Variants in NRXN3 observed in about 807,000 individuals in gnomAD.
NRXN3 encodes neurexin III.
Under a neutral mutation model 137.6 loss-of-function variants are expected in NRXN3, and 32 were observed. The observed-to-expected ratio is 0.23, with a 90% CI of 0.18 to 0.31. The LOEUF (loss-of-function observed/expected upper bound fraction) is 0.31, where lower values mean the gene tolerates loss of function less well. NRXN3 is among the 10% of genes least tolerant of loss of function. NRXN3 has a pLI of 1.00. For synonymous variants in NRXN3, 798 were observed against 784.5 expected, an observed-to-expected ratio of 1.02 and a Z score of -0.29; for missense variants, 1,574 against 2,062.5, an observed-to-expected ratio of 0.76 and a Z score of 4.59.
intron 20 of NRXN3, among the ~76,000 whole-genome samples, chr14:79,859,972 C>T (rs1270401767): frequency 6.6e-6 from 1 of 152,146 alleles, no homozygotes; most frequent in Non-Finnish European, 1.5e-5. Flanking sequence ...TATAAAGACA[C>T]TGAAGAGAGA....
chr14:79,859,424 TTGGATGCA>T (rs1303256121), intron 20 of NRXN3, among the ~76,000 whole-genome samples: 1 of 152,200 alleles, frequency 6.6e-6, no homozygotes, highest in Non-Finnish European at 1.5e-5. Flanking sequence ...CCTGGACAAT[TTGGATGCA>T]TGGGAAAGGT....
At chr14:79,095,765 G>T (rs1040386418) in intron 15 of NRXN3, among the ~76,000 whole-genome samples, 2 of 152,052 alleles carry the variant, frequency 1.3e-5, no homozygotes, top group African/African-American at 4.8e-5. Context: ...AGGTTACTTT[G>T]CCTTCTGGAT....
At chr14:78,656,903 TG>T (rs1555422806) in intron 6 of NRXN3, among the ~76,000 whole-genome samples, 2 of 151,520 alleles carry the variant, frequency 1.3e-5, no homozygotes, top group Non-Finnish European at 2.9e-5. Flanking sequence ...CAAAATTAGC[TG>T]GGCGTGGTGG....
chr14:79,834,868 A>T (rs1231303726), intron 20 of NRXN3, among the ~76,000 whole-genome samples: 1 of 152,084 alleles, frequency 6.6e-6, no homozygotes, highest in Non-Finnish European at 1.5e-5. Flanking sequence ...CAAAAGCAAG[A>T]GTGTTCTTTT....
intron 15 of NRXN3, among the ~76,000 whole-genome samples, chr14:79,095,633 T>C (rs2050172313): frequency 6.8e-6 from 1 of 147,740 alleles, no homozygotes; most frequent in Non-Finnish European, 1.5e-5. Context: ...TGGGAAGAAG[T>C]ACTACCTATA....
intron 4 of NRXN3, among the ~76,000 whole-genome samples, chr14:78,387,120 C>T (rs1193579110): frequency 6.6e-6 from 1 of 151,922 alleles, no homozygotes; most frequent in Non-Finnish European, 1.5e-5. Context: ...GCAATGCTCA[C>T]CCCCAGCTCA....
intron 16 of NRXN3, among the ~76,000 whole-genome samples, chr14:79,563,094 A>G: frequency 6.6e-6 from 1 of 152,328 alleles, no homozygotes; most frequent in South Asian, 2.1e-4. Flanking sequence ...TCTCTGAAAA[A>G]GCCAACGCAT....
Position 79,863,519 on chromosome 14 carries a change from A to T in NRXN3, c.*1555A>T, listed in dbSNP as rs1424506509. On this transcript the variant is annotated 3_prime_UTR_variant, in exon 21 of 21. Coordinates refer to ENST00000335750, the MANE Select transcript of NRXN3 (RefSeq NM_001330195.2). The stretch of plus-strand genomic sequence containing the variant: ...CAGTTAACTGTGTCAAAGAGAATTA[A>T]AAAAAAAAACTTCAGATTTTGTTTA... 4.0e-5 allele frequency: 4 copies of T among 100,062 alleles called. No individual in the cohort carries two copies. The highest frequency in any genetic ancestry group is 3.0e-4 in the African/African-American group (4 of 13,210). The allele number at this position is 100,062 out of a possible 1,614,324, so 6.2% of individuals were successfully genotyped here. A position where few individuals can be genotyped will look rare whatever the true frequency, so the allele number is the denominator to read the frequency against.
At chr14:78,425,002 G>C (rs925226509) in intron 4 of NRXN3, among the ~76,000 whole-genome samples, 1 of 151,966 alleles carries the variant, frequency 6.6e-6, no homozygotes, top group East Asian at 1.9e-4. Flanking sequence ...ACAGTGGCTT[G>C]TCTGATTTTC....
intron 10 of NRXN3, among the ~76,000 whole-genome samples, chr14:78,909,940 A>G (rs555256769): frequency 6.6e-6 from 1 of 152,198 alleles, no homozygotes; most frequent in African/African-American, 2.4e-5. Flanking sequence ...CCAATCATTT[A>G]TTCATATAAA....
intron 4 of NRXN3, among the ~76,000 whole-genome samples, chr14:78,329,952 T>C (rs905966940): frequency 3.3e-5 from 5 of 152,188 alleles, no homozygotes; most frequent in African/African-American, 1.2e-4. Context: ...CAATTACACA[T>C]ACAATGGTTA....
chr14:78,455,308 C>T (rs960358919), intron 4 of NRXN3, among the ~76,000 whole-genome samples: 3 of 152,176 alleles, frequency 2.0e-5, no homozygotes, highest in South Asian at 2.1e-4. Context: ...CCTTTCAGTC[C>T]AGTTTTACCT....
chr14:78,967,183 T>C, intron 12 of NRXN3, 25 bp from the exon 13 acceptor site: 1 of 1,511,306 alleles, frequency 6.6e-7, no homozygotes, highest in Non-Finnish European at 8.9e-7. Context: ...TTCCAATTAT[T>C]GTTTTTTTTT....
intron 16 of NRXN3, among the ~76,000 whole-genome samples, chr14:79,639,230 T>C (rs1272324781): frequency 6.6e-6 from 1 of 152,190 alleles, no homozygotes; most frequent in Admixed American, 6.5e-5. Context: ...TTTTTTAAAC[T>C]TTTATTTTAG....
intron 8 of NRXN3, among the ~76,000 whole-genome samples, chr14:78,770,497 C>T (rs1206272414): frequency 6.6e-6 from 1 of 152,134 alleles, no homozygotes; most frequent in Non-Finnish European, 1.5e-5. Flanking sequence ...TCCAGATTCT[C>T]CATTCCTATT....
chr14:79,568,650 A>G (rs981638584), intron 16 of NRXN3, among the ~76,000 whole-genome samples: 1 of 152,238 alleles, frequency 6.6e-6, no homozygotes, highest in Admixed American at 6.5e-5. Context: ...TTATTAATGG[A>G]CCAAAGTTTG....
chr14:79,160,971 C>T (rs1334267304), intron 15 of NRXN3, among the ~76,000 whole-genome samples: 1 of 151,886 alleles, frequency 6.6e-6, no homozygotes, highest in Non-Finnish European at 1.5e-5. Flanking sequence ...AGCAGTGAAT[C>T]TATGGAAAAG....
chr14:79,669,952 ATG>A (rs2098597466), intron 17 of NRXN3, among the ~76,000 whole-genome samples: 1 of 152,082 alleles, frequency 6.6e-6, no homozygotes, highest in South Asian at 2.1e-4. Flanking sequence ...AAGCTAAAAA[ATG>A]TGTCTTTCTT....
intron 3 of NRXN3, among the ~76,000 whole-genome samples, chr14:78,291,616 G>A (rs575792523): frequency 2.0e-5 from 3 of 152,004 alleles, no homozygotes; most frequent in Non-Finnish European, 2.9e-5. Context: ...TGCAAATTTG[G>A]GGGCCCACCC....
Sources: allele counts gnomAD v4.1 joint callset (sites outside exome capture counted in the v4.1 genomes callset), GRCh38; gene constraint gnomAD v4.1.1; transcripts MANE v1.5; gene names NCBI Gene and HGNC (gene_info 2026-07-23, HGNC 2026-07-21).